The following ZBTB20 variants were observed in gnomAD, a reference collection of about 807,000 sequenced individuals.
ZBTB20 encodes zinc finger and BTB domain containing 20, also known as zinc finger and BTB domain-containing protein 20.
A neutral mutation model predicts 56.9 loss-of-function variants in ZBTB20; 9 were observed. The ratio of observed to expected loss-of-function variants is 0.16; its 90% CI spans 0.10 to 0.28. The LOEUF is 0.28. Ranked by LOEUF, ZBTB20 falls within the 10% of genes least tolerant of loss-of-function variation. The pLI is 1.00. For synonymous variants in ZBTB20, 417 were observed against 420.7 expected, an observed-to-expected ratio of 0.99 and a Z score of 0.11; for missense variants, 655 against 1,003.0, an observed-to-expected ratio of 0.65 and a Z score of 4.69.
chr3:114,633,562 G>A (rs1038471966), intron 6 of ZBTB20, among the ~76,000 whole-genome samples: 1 of 152,070 alleles, frequency 6.6e-6, no homozygotes, highest in Non-Finnish European at 1.5e-5. Flanking sequence ...GAACCTGGCT[G>A]GGCAGTCTTG....
chr3:114,905,117 C>T (rs2075273378), intron 3 of ZBTB20, among the ~76,000 whole-genome samples: 1 of 151,892 alleles, frequency 6.6e-6, no homozygotes, highest in Non-Finnish European at 1.5e-5. Flanking sequence ...GTCCTATAAT[C>T]CACACTTCAC....
At chr3:114,695,408 G>A (rs1017576408) in intron 5 of ZBTB20, among the ~76,000 whole-genome samples, 1 of 151,816 alleles carries the variant, frequency 6.6e-6, no homozygotes, top group Non-Finnish European at 1.5e-5. Context: ...AGTCTACATT[G>A]GCACACATCG....
intron 4 of ZBTB20, among the ~76,000 whole-genome samples, chr3:114,826,711 T>G (rs2073546978): frequency 6.6e-6 from 1 of 151,736 alleles, no homozygotes; most frequent in Non-Finnish European, 1.5e-5. Flanking sequence ...GTTTTTTACT[T>G]CATCTTAATA....
intron 4 of ZBTB20, among the ~76,000 whole-genome samples, chr3:114,838,848 T>G (rs1366521397): frequency 1.3e-5 from 2 of 151,490 alleles, no homozygotes; most frequent in African/African-American, 4.9e-5. Flanking sequence ...TGGATTGGAG[T>G]TTGCCATCAG....
intron 6 of ZBTB20, among the ~76,000 whole-genome samples, chr3:114,651,580 C>T (rs879406001): frequency 1.0e-4 from 13 of 126,294 alleles, no homozygotes; most frequent in Admixed American, 2.3e-4. Context: ...AAAGGAAAAA[C>T]GAAAAAGTCC....
chr3:114,886,361 A>G (rs1392819551), intron 4 of ZBTB20, among the ~76,000 whole-genome samples: 1 of 152,218 alleles, frequency 6.6e-6, no homozygotes, highest in East Asian at 1.9e-4. Context: ...TAGTTCTCTA[A>G]TAAAGACCTG....
intron 2 of ZBTB20, among the ~76,000 whole-genome samples, chr3:115,058,814 C>A (rs1176012560): frequency 6.6e-6 from 1 of 152,180 alleles, no homozygotes; most frequent in Non-Finnish European, 1.5e-5. Context: ...GGTTAAACTG[C>A]TTCATAGTGT....
At chr3:114,550,453 T>C (rs570939117) in intron 6 of ZBTB20, among the ~76,000 whole-genome samples, 2 of 152,300 alleles carry the variant, frequency 1.3e-5, no homozygotes, top group African/African-American at 4.8e-5. Context: ...GTAAGCTGAT[T>C]TGTCAACAGC....
chr3:114,362,195 AT>A, intron 10 of ZBTB20, among the ~76,000 whole-genome samples: 1 of 152,276 alleles, frequency 6.6e-6, no homozygotes, highest in African/African-American at 2.4e-5. Context: ...TGAACTTCCT[AT>A]ACATGTAGCA....
intron 2 of ZBTB20, among the ~76,000 whole-genome samples, chr3:114,994,284 T>C (rs2078939825): frequency 6.6e-6 from 1 of 151,864 alleles, no homozygotes; most frequent in South Asian, 2.1e-4. Flanking sequence ...AAATTTATGA[T>C]CAATAATTGA....
chr3:114,903,762 T>G (rs1344001679), intron 3 of ZBTB20, among the ~76,000 whole-genome samples: 1 of 152,134 alleles, frequency 6.6e-6, no homozygotes, highest in African/African-American at 2.4e-5. Flanking sequence ...CAACTGGAAT[T>G]GGACCAAGGT....
chr3:114,737,356 T>A (rs921238543), intron 5 of ZBTB20, among the ~76,000 whole-genome samples: 1 of 152,152 alleles, frequency 6.6e-6, no homozygotes, highest in African/African-American at 2.4e-5. Context: ...GAGCATTAAA[T>A]TCAGTTAAAA....
chr3:114,384,374 A>C (rs961076811), intron 8 of ZBTB20, among the ~76,000 whole-genome samples: 13 of 152,126 alleles, frequency 8.5e-5, no homozygotes, highest in African/African-American at 3.1e-4. Context: ...TATGCAAAGC[A>C]AAACTGGGTG....
intron 4 of ZBTB20, among the ~76,000 whole-genome samples, chr3:114,823,922 T>G (rs1336799294): frequency 6.6e-6 from 1 of 152,012 alleles, no homozygotes; most frequent in Non-Finnish European, 1.5e-5. Flanking sequence ...CCAAAGCTGT[T>G]TTTGAATTAC....
intron 5 of ZBTB20, among the ~76,000 whole-genome samples, chr3:114,709,725 T>C (rs1166377491): frequency 6.6e-6 from 1 of 152,176 alleles, no homozygotes; most frequent in Admixed American, 6.5e-5. Context: ...TTCTGAATTA[T>C]ACTAGAGGTG....
chr3:114,410,410 G>C (rs990041721), intron 7 of ZBTB20, among the ~76,000 whole-genome samples: 1 of 152,052 alleles, frequency 6.6e-6, no homozygotes, highest in African/African-American at 2.4e-5. Flanking sequence ...AAGAGGAAAA[G>C]GACATTAGAG....
At chr3:114,347,351 C>T (rs890875385) in intron 11 of ZBTB20, among the ~76,000 whole-genome samples, 2 of 151,982 alleles carry the variant, frequency 1.3e-5, no homozygotes, top group African/African-American at 4.8e-5. Flanking sequence ...TTCTTTTTAA[C>T]TTTGTCAAGC....
In ZBTB20 at chr3:114,655,285, G is replaced by A. The variant is rs554189255; in HGVS notation, c.-295+38243C>T. On this transcript the variant is annotated intron_variant, in intron 6 of 11. Transcript: ENST00000675478. ...TTTTGAGACGGAGTCTCGCTTTGTC[G>A]CCCAGGCCAGACTGCGGACTGCAGT... Among the ~76,000 whole-genome samples, 9 of 111,010 alleles carry A rather than the reference G, an allele frequency of 8.1e-5. No homozygotes were observed. In the East Asian group the frequency reaches 1.8e-3, roughly 22 times the overall value. The allele number at this position is 111,010 out of a possible 152,430, so 72.8% of individuals were successfully genotyped here.
intron 2 of ZBTB20, among the ~76,000 whole-genome samples, chr3:115,015,182 T>C (rs944976473): frequency 3.3e-5 from 5 of 151,790 alleles, no homozygotes; most frequent in Non-Finnish European, 5.9e-5. Context: ...ATAATAGTTA[T>C]ACAAAAAAAC....
Sources: allele counts gnomAD v4.1 joint callset (sites outside exome capture counted in the v4.1 genomes callset), GRCh38; gene constraint gnomAD v4.1.1; transcripts MANE v1.5; gene names NCBI Gene and HGNC (gene_info 2026-07-23, HGNC 2026-07-21).